The following ADD2 variants were observed in gnomAD, a reference collection of about 807,000 sequenced individuals.
ADD2 encodes adducin 2, also known as beta-adducin.
In ADD2, 23 loss-of-function variants were observed where a neutral mutation model predicts 83.0. The ratio of observed to expected loss-of-function variants is 0.28; its 90% CI spans 0.20 to 0.39. ADD2 has a LOEUF of 0.39. Ranked by LOEUF, ADD2 falls within the 10% of genes least tolerant of loss-of-function variation. The pLI, the probability that ADD2 is intolerant of heterozygous loss-of-function variation, is 1.00. For missense variants in ADD2, 758 were observed against 944.9 expected (o/e 0.80, Z 2.59); for synonymous variants, 375 against 375.4 (o/e 1.00, Z 0.01).
Position 70,704,341 on chromosome 2 carries a change from A to G in ADD2, c.302T>C (p.Val101Ala). Reference protein sequence around the residue: ...ADFMASTSHAVFPTSSMNVSM... With the variant: ...ADFMASTSHAAFPTSSMNVSM... ...CATACTCATGGAAGATGTCGGGAAG[A>G]CTGCGTGGGAGGTGCTGGCCATGAA... Residue 101 changes from valine to alanine, a missense_variant, in exon 4 of 16, where the codon GTC becomes GCC. By Grantham distance (64) the Val-to-Ala change is moderately conservative (BLOSUM62 0). Coordinates refer to ENST00000264436, the MANE Select transcript of ADD2 (RefSeq NM_001617.4). 1 of 1,569,004 alleles carries G rather than the reference A, an allele frequency of 6.4e-7. No homozygotes were observed. Among genetic ancestry groups the G allele is most frequent in the East Asian group, 2.4e-5 (1 of 41,132 alleles).
chr2:70,746,386 T>G (rs905222033), intron 1 of ADD2, among the ~76,000 whole-genome samples: 1 of 152,208 alleles, frequency 6.6e-6, no homozygotes, highest in African/African-American at 2.4e-5. Flanking sequence ...ATGCAAACAT[T>G]AAAAGCATCA....
chr2:70,726,165 C>T (rs1025056370), intron 1 of ADD2, among the ~76,000 whole-genome samples: 11 of 115,470 alleles, frequency 9.5e-5, no homozygotes, highest in African/African-American at 2.1e-4. Flanking sequence ...CCAGCCTGGG[C>T]GACAGAGCGA....
At chr2:70,713,408 C>T (rs1344289710) in intron 1 of ADD2, among the ~76,000 whole-genome samples, 5 of 152,144 alleles carry the variant, frequency 3.3e-5, no homozygotes, top group Non-Finnish European at 5.9e-5. Context: ...GTCAAGAGAT[C>T]GGGACCATCC....
intron 1 of ADD2, among the ~76,000 whole-genome samples, chr2:70,748,113 A>G (rs1354423491): frequency 6.6e-6 from 1 of 152,130 alleles, no homozygotes; most frequent in Non-Finnish European, 1.5e-5. Flanking sequence ...ACAGCAGGGC[A>G]TGGAGATGGC....
chr2:70,705,731 C>A (rs1671854670), intron 3 of ADD2, among the ~76,000 whole-genome samples: 1 of 152,200 alleles, frequency 6.6e-6, no homozygotes, highest in Non-Finnish European at 1.5e-5. Flanking sequence ...CCGGCTGAGC[C>A]CTCCACTCTG....
chr2:70,707,261 ATT>A (rs1180039604), intron 2 of ADD2, among the ~76,000 whole-genome samples: 1 of 152,224 alleles, frequency 6.6e-6, no homozygotes, highest in Non-Finnish European at 1.5e-5. Context: ...ATGGAAAATT[ATT>A]TTCTCTCCAA....
At chr2:70,689,942 C>T (rs993780483) in intron 8 of ADD2, among the ~76,000 whole-genome samples, 4 of 152,040 alleles carry the variant, frequency 2.6e-5, no homozygotes, top group Admixed American at 6.6e-5. Context: ...GTGAACAAAC[C>T]GTGTGGGGCA....
In ADD2 at chr2:70,690,845, C is replaced by G; in HGVS notation, c.790G>C (p.Glu264Gln). 6.2e-7 allele frequency: 1 copy of G among 1,614,202 alleles called. No individual in the cohort carries two copies. The highest frequency in any genetic ancestry group is 8.5e-7 in the Non-Finnish European group (1 of 1,180,032). ...ATCCGATCGGCTTCCTGCTCCATTT[C>G]CCCATTGAAGTCATAATAGGCCATG... ...GDMAYYDFNGEMEQEADRINL... is the reference protein window; with the variant it reads ...GDMAYYDFNGQMEQEADRINL... The change falls in exon 8 of 16, where the codon GAA (glutamate) becomes CAA (glutamine). Residue 264 changes from glutamate to glutamine, a missense_variant. Coordinates refer to ENST00000264436, the MANE Select transcript of ADD2 (RefSeq NM_001617.4).
At chr2:70,707,296 A>G (rs1257007558) in intron 2 of ADD2, among the ~76,000 whole-genome samples, 2 of 152,242 alleles carry the variant, frequency 1.3e-5, no homozygotes, top group African/African-American at 2.4e-5. Context: ...CATGTTGAGA[A>G]ACAACAACTA....
chr2:70,736,422 T>C (rs2104483675), intron 1 of ADD2, among the ~76,000 whole-genome samples: 1 of 152,330 alleles, frequency 6.6e-6, no homozygotes, highest in South Asian at 2.1e-4. Flanking sequence ...ACTGGTTCTG[T>C]TCCTATTGAG....
rs1048746 is a variant in ADD2, at chr2:70,657,485, G to T, written c.*5940C>A. 0.14 allele frequency: 20,876 copies of T among 152,118 alleles called. 1,548 individuals are homozygous for T. The highest frequency in any genetic ancestry group is 0.19 in the African/African-American group (7,826 of 41,470). 9.4% of individuals were successfully genotyped at this position (152,118 alleles called of 1,614,324 possible). On this transcript the variant is annotated 3_prime_UTR_variant, in exon 16 of 16. Transcript: ENST00000264436. ...ATAAATTGCAGGAATTTAAAGGTGG[G>T]GCAGTCCTTGGGTATCAATCAATCA...
At chr2:70,717,126 C>A (rs200459127) in intron 1 of ADD2, among the ~76,000 whole-genome samples, 2 of 152,016 alleles carry the variant, frequency 1.3e-5, no homozygotes, top group Non-Finnish European at 2.9e-5. Context: ...CTAGGCCTGG[C>A]AAGCTCACTT....
At chr2:70,765,362 TA>T (rs1357224540) in intron 1 of ADD2, among the ~76,000 whole-genome samples, 1 of 152,202 alleles carries the variant, frequency 6.6e-6, no homozygotes, top group East Asian at 1.9e-4. Context: ...CAAAAAAATA[TA>T]AAACATAAAA....
At chr2:70,759,034 G>T (rs1015146387) in intron 1 of ADD2, among the ~76,000 whole-genome samples, 4 of 152,186 alleles carry the variant, frequency 2.6e-5, no homozygotes, top group Non-Finnish European at 5.9e-5. Flanking sequence ...GGAGCCATGG[G>T]GATGGGGTGA....
At position 70,676,539 on chromosome 2, in the gene ADD2, G is replaced by A. The variant is rs1368209061; in HGVS notation, c.1593+257C>T. 1.2e-5 allele frequency: 17 copies of A among 1,388,134 alleles called. No homozygotes were observed. The highest frequency in any genetic ancestry group is 5.8e-5 in the African/African-American group (4 of 68,762). The allele number at this position is 1,388,134 out of a possible 1,614,324, so 86.0% of individuals were successfully genotyped here. On this transcript the variant is annotated intron_variant, in intron 13 of 15. Transcript: ENST00000264436. The surrounding 1 kb of genome is among the most constrained non-coding windows in gnomAD (Gnocchi z 4.8). ...TTCCATGGCAGGAGGTACGGAAGCC[G>A]GCCGCATCACTCCTGCAGGCAGGCT... is the stretch of plus-strand genomic sequence containing the variant.
chr2:70,721,573 C>T (rs1186358107), intron 1 of ADD2, among the ~76,000 whole-genome samples: 1 of 152,184 alleles, frequency 6.6e-6, no homozygotes. Context: ...AAGGTGAAAT[C>T]AAGTCCCCTA....
At chr2:70,673,429 G>T in intron 14 of ADD2, 1 of 902,926 alleles carries the variant, frequency 1.1e-6, no homozygotes, top group Non-Finnish European at 1.8e-6. Context: ...ATTTTTTGCT[G>T]ACTCCCCTTA....
At chr2:70,758,721 G>A (rs1558584314) in intron 1 of ADD2, among the ~76,000 whole-genome samples, 1 of 152,100 alleles carries the variant, frequency 6.6e-6, no homozygotes, top group Non-Finnish European at 1.5e-5. Flanking sequence ...GATTGCTTGA[G>A]CCCAGGAGGT....
At chr2:70,755,739 G>A (rs1553383708) in intron 1 of ADD2, among the ~76,000 whole-genome samples, 1 of 152,108 alleles carries the variant, frequency 6.6e-6, no homozygotes, top group Non-Finnish European at 1.5e-5. Context: ...CAGTGGGGCT[G>A]CTATCCAGGT....
Sources: gnomAD v4.1 joint callset for allele counts (sites outside exome capture counted in the v4.1 genomes callset) on GRCh38, gnomAD v4.1.1 for gene constraint, Gnocchi (gnomAD v3.1) non-coding constraint, MANE v1.5 for transcripts, NCBI Gene and HGNC (gene_info 2026-07-23, HGNC 2026-07-21) for gene names.